Variants in THBS4 observed in about 807,000 individuals in gnomAD.
THBS4 encodes thrombospondin-4.
In THBS4, 90 loss-of-function variants were observed where a neutral mutation model predicts 115.7. The ratio of observed to expected loss-of-function variants is 0.78; its 90% CI spans 0.66 to 0.93. The LOEUF (loss-of-function observed/expected upper bound fraction) is 0.93, where lower values mean the gene tolerates loss of function less well. THBS4 is among the 40% of genes least tolerant of loss of function. The pLI, the probability that THBS4 is intolerant of heterozygous loss-of-function variation, is 0.00. For synonymous variants in THBS4, 460 were observed against 479.3 expected (o/e 0.96, Z 0.53); for missense variants, 1,087 against 1,232.7 (o/e 0.88, Z 1.77).
intron 2 of THBS4, chr5:80,019,594 A>C (rs912333677): frequency 5.9e-5 from 9 of 152,712 alleles, no homozygotes; most frequent in African/African-American, 1.9e-4. Flanking sequence ...GACAAACAAA[A>C]AAAGCTGGTC....
chr5:80,061,525 T>C (rs1833633781), intron 7 of THBS4, among the ~76,000 whole-genome samples, 170 bp from the exon 8 acceptor site: 1 of 152,202 alleles, frequency 6.6e-6, no homozygotes, highest in Admixed American at 6.5e-5. Context: ...CCTCAGATTG[T>C]GTGGTCAGGG....
At chr5:80,006,772 T>C (rs1164658191) in intron 2 of THBS4, among the ~76,000 whole-genome samples, 3 of 152,164 alleles carry the variant, frequency 2.0e-5, no homozygotes, top group Non-Finnish European at 2.9e-5. Context: ...TGATGAAGGA[T>C]TACTTAATGG....
chr5:80,079,314 T>A lies in THBS4; in HGVS notation c.2511+56T>A, dbSNP rs577066208. On this transcript the variant is annotated intron_variant, in intron 19 of 21. Transcript: ENST00000350881. ...TTTCTTCTGGACCTCTCATCTTTTT[T>A]CAGATATTGTGTTTTCCCATGTGGT... 4.0e-6 allele frequency: 6 copies of A among 1,509,126 alleles called. No homozygotes were observed. In the Admixed American group the frequency reaches 1.3e-4, roughly 33 times the overall value. 93.5% of individuals were successfully genotyped at this position (1,509,126 alleles called of 1,614,324 possible). A position where few individuals can be genotyped will look rare whatever the true frequency, so the allele number is the denominator to read the frequency against.
At position 80,001,315 on chromosome 5, in the gene THBS4, AT is replaced by A. The variant is rs1338987098; in HGVS notation, n.177+2890del. Among the ~76,000 whole-genome samples, 16 of 152,348 alleles carry A rather than the reference AT, an allele frequency of 1.1e-4. No individual in the cohort carries two copies. In the East Asian group the frequency reaches 2.5e-3, roughly 24 times the overall value. ...GGTAACAGAACCGGCAGTGGCATTT[AT>A]TGAATTCTTCCTCACAATAACTGAA... On this transcript the variant is annotated intron_variant and non_coding_transcript_variant, in intron 2 of 3. Transcript: ENST00000510218.
intron 2 of THBS4, among the ~76,000 whole-genome samples, chr5:80,000,546 C>G (rs1831878060): frequency 2.0e-5 from 3 of 152,184 alleles, no homozygotes; most frequent in South Asian, 2.1e-4. Flanking sequence ...GCCACCACAG[C>G]CTTCCATTTC....
At chr5:80,033,863 G>A (rs149790464), upstream of THBS4, among the ~76,000 whole-genome samples, 3 of 152,188 alleles carry the variant, frequency 2.0e-5, no homozygotes, top group Non-Finnish European at 4.4e-5. Context: ...AATTCCCCAG[G>A]AGATTCTGGT....
chr5:80,058,381 G>C (rs1833504201), intron 4 of THBS4, 67 bp downstream of exon 4: 1 of 1,216,100 alleles, frequency 8.2e-7, no homozygotes, highest in Non-Finnish European at 1.2e-6. Flanking sequence ...AATAGGCTGG[G>C]TCCCATCACC....
chr5:80,021,532 AC>A (rs1832374870), intron 2 of THBS4, among the ~76,000 whole-genome samples: 1 of 151,886 alleles, frequency 6.6e-6, no homozygotes, highest in African/African-American at 2.4e-5. Flanking sequence ...CTTCTTAGAG[AC>A]AGGGTCTCTG....
intron 15 of THBS4, among the ~76,000 whole-genome samples, chr5:80,074,814 T>C (rs1164795697): frequency 1.3e-5 from 2 of 152,108 alleles, no homozygotes; most frequent in African/African-American, 4.8e-5. Flanking sequence ...AGTTTCACCA[T>C]GTTGGCCAGG....
upstream of THBS4, among the ~76,000 whole-genome samples, chr5:80,031,213 T>C (rs1176067640): frequency 6.6e-6 from 1 of 152,116 alleles, no homozygotes; most frequent in African/African-American, 2.4e-5. Flanking sequence ...GGGATTCTTA[T>C]TGTGGTTAGG....
chr5:80,056,173 G>GA lies in THBS4; in HGVS notation c.540+145dup, dbSNP rs934892891. 4 of 1,084,000 alleles carry GA rather than the reference G, an allele frequency of 3.7e-6. No homozygotes were observed. In the Admixed American group the frequency reaches 1.2e-4, roughly 33 times the overall value. 67.1% of individuals were successfully genotyped at this position (1,084,000 alleles called of 1,614,324 possible). A position where few individuals can be genotyped will look rare whatever the true frequency, so the allele number is the denominator to read the frequency against. ...CACATCAGAATCACCTGCGGAGCTT[G>GA]AAAAGCAAGTGATAGGGGGCTGCCC... is the stretch of plus-strand genomic sequence containing the variant. On this transcript the variant is annotated intron_variant, in intron 3 of 21. Coordinates refer to ENST00000350881, the MANE Select transcript of THBS4 (RefSeq NM_003248.6).
chr5:80,004,059 G>A (rs1348095758), intron 2 of THBS4, among the ~76,000 whole-genome samples: 2 of 152,160 alleles, frequency 1.3e-5, no homozygotes, highest in African/African-American at 2.4e-5. Context: ...GGAACTAAGC[G>A]TTACAGCCAA....
chr5:80,056,020 G>T lies in THBS4; in HGVS notation c.528G>T (p.Gln176His). 6.2e-7 allele frequency: 1 copy of T among 1,605,976 alleles called. No homozygotes were observed. The highest frequency in any genetic ancestry group is 8.5e-7 in the Non-Finnish European group (1 of 1,174,922). The change falls in exon 3 of 22, where the codon CAG (glutamine) becomes CAT (histidine). Residue 176 changes from glutamine to histidine, a missense_variant. Physicochemically the swap from Gln to His is conservative, Grantham distance 24. This residue lies in a region of THBS4 where 979 missense variants were observed against 1,103.7 expected (regional missense o/e 0.89). Coordinates refer to ENST00000350881, the MANE Select transcript of THBS4 (RefSeq NM_003248.6). ...KPETIELRTF[Q>H]RKPQDFLEEL... ...AGACCATTGAATTGAGGACTTTCCA[G>T]AGGAAGCCACAGGTAGGAACCCACA...
At chr5:80,001,958 G>T (rs1343842832) in intron 2 of THBS4, among the ~76,000 whole-genome samples, 1 of 152,108 alleles carries the variant, frequency 6.6e-6, no homozygotes, top group Non-Finnish European at 1.5e-5. Context: ...ATTTACCAAA[G>T]ATGTAAATAA....
intron 2 of THBS4, among the ~76,000 whole-genome samples, chr5:80,047,760 A>G (rs910891052): frequency 6.6e-6 from 1 of 151,124 alleles, no homozygotes; most frequent in Non-Finnish European, 1.5e-5. Flanking sequence ...CAGCCTCCTG[A>G]GTAGCTGGGG....
Position 80,073,290 on chromosome 5 carries a change from G to A in THBS4, c.1855G>A (p.Asp619Asn), listed in dbSNP as rs745368234. ...CTCTTTGCAGTCTGATGTGGATAAT[G>A]ATCTGGTTGGGGACTCCTGTGACAC... ...SNPNQSDVDN[D>N]LVGDSCDTNQ... The change falls in exon 15 of 22, where the codon GAT (aspartate) becomes AAT (asparagine). Residue 619 changes from aspartate to asparagine, a missense_variant. This residue lies in a region of THBS4 where 979 missense variants were observed against 1,103.7 expected (regional missense o/e 0.89). Transcript: ENST00000350881. The A allele has an allele frequency of 7.4e-6, 12 of 1,614,016 alleles. No individual in the cohort carries two copies. The highest frequency in any genetic ancestry group is 1.7e-5 in the Admixed American group (1 of 60,026).
intron 1 of THBS4, among the ~76,000 whole-genome samples, chr5:79,993,172 A>G (rs1438739): frequency 0.61 from 93,215 of 152,030 alleles, 28,697 homozygotes; most frequent in South Asian, 0.66. Context: ...CATTTGCATT[A>G]AAGAGAAATT....
chr5:80,061,588 C>T lies in THBS4; in HGVS notation c.988-107C>T, dbSNP rs1833636334. ...CTTTATTTCCTTTTATTATTTTTTC[C>T]ACCAAAAGATAGTTAAATGACTAAA... On this transcript the variant is annotated intron_variant, in intron 7 of 21. Transcript: ENST00000350881. 5 of 1,372,092 alleles carry T rather than the reference C, an allele frequency of 3.6e-6. No individual in the cohort carries two copies. In the South Asian group the frequency reaches 6.5e-5, roughly 18 times the overall value. 85.0% of individuals were successfully genotyped at this position (1,372,092 alleles called of 1,614,324 possible). A position where few individuals can be genotyped will look rare whatever the true frequency, so the allele number is the denominator to read the frequency against.
At chr5:80,070,565 C>T (rs1834004138) in intron 11 of THBS4, 78 bp from the exon 12 acceptor site, 1 of 1,445,288 alleles carries the variant, frequency 6.9e-7, no homozygotes, top group Non-Finnish European at 9.7e-7. Flanking sequence ...AATAAAGCCA[C>T]AGTGTCTTGA....
Sources: allele counts gnomAD v4.1 joint callset (sites outside exome capture counted in the v4.1 genomes callset), GRCh38; gene constraint gnomAD v4.1.1; regional missense constraint gnomAD v4.1.1; transcripts MANE v1.5; gene names NCBI Gene and HGNC (gene_info 2026-07-23, HGNC 2026-07-21).